Variants in NALF1 observed in about 807,000 individuals in gnomAD.
NALF1 encodes family with sequence similarity 155 member A.
NALF1 carries 3 observed loss-of-function variants against 48.4 expected under a neutral mutation model. The ratio of observed to expected loss-of-function variants is 0.06; its 90% confidence interval spans 0.03 to 0.16. The LOEUF is 0.16. Among genes scored for constraint, NALF1 ranks in the 10% least tolerant of loss-of-function variants. The pLI is 1.00. For missense variants in NALF1, 526 were observed against 571.5 expected (o/e 0.92, Z 0.81); for synonymous variants, 262 against 245.7 (o/e 1.07, Z -0.62).
At chr13:107,425,953 ATC>A (rs1278984599) in intron 1 of NALF1, among the ~76,000 whole-genome samples, 2 of 152,136 alleles carry the variant, frequency 1.3e-5, no homozygotes, top group Non-Finnish European at 2.9e-5. Flanking sequence ...GATATTGGAT[ATC>A]TCTCTGTACT....
chr13:107,777,253 G>GA (rs1456009623), intron 1 of NALF1, among the ~76,000 whole-genome samples: 2 of 152,124 alleles, frequency 1.3e-5, no homozygotes, highest in South Asian at 4.1e-4. Flanking sequence ...ATTATGTTTA[G>GA]AAAAAGTTTA....
At chr13:107,548,969 C>T (rs753566916) in intron 1 of NALF1, among the ~76,000 whole-genome samples, 1 of 151,988 alleles carries the variant, frequency 6.6e-6, no homozygotes, top group African/African-American at 2.4e-5. Flanking sequence ...TCAAGAAATA[C>T]CATAATTGCA....
At chr13:107,555,439 ATTTTTTTTTTTT>A (rs34486058) in intron 1 of NALF1, among the ~76,000 whole-genome samples, 8 of 69,964 alleles carry the variant, frequency 1.1e-4, no homozygotes, top group African/African-American at 3.3e-4. Context: ...AGCCTGGCTA[ATTTTTTTTTTTT>A]TTTTTTTTTT....
intron 1 of NALF1, among the ~76,000 whole-genome samples, chr13:107,358,080 ATG>A (rs1239160225): frequency 6.6e-6 from 1 of 152,164 alleles, no homozygotes; most frequent in Non-Finnish European, 1.5e-5. Flanking sequence ...GCATATATAT[ATG>A]TGTGTATATA....
intron 1 of NALF1, among the ~76,000 whole-genome samples, chr13:107,528,256 G>A (rs888251882): frequency 3.3e-5 from 5 of 152,010 alleles, no homozygotes; most frequent in Non-Finnish European, 7.4e-5. Flanking sequence ...GGGCCAATAT[G>A]TTCATGTAAA....
chr13:107,378,311 T>C (rs1207006612), intron 1 of NALF1, among the ~76,000 whole-genome samples: 2 of 152,186 alleles, frequency 1.3e-5, no homozygotes, highest in Non-Finnish European at 2.9e-5. Context: ...GTATTGGCTT[T>C]GTATACTTGA....
chr13:107,430,763 T>G (rs1884366169), intron 1 of NALF1, among the ~76,000 whole-genome samples: 1 of 152,188 alleles, frequency 6.6e-6, no homozygotes, highest in African/African-American at 2.4e-5. Flanking sequence ...TAAACATACG[T>G]GTACATGTGT....
At chr13:107,538,843 A>G (rs983181791) in intron 1 of NALF1, among the ~76,000 whole-genome samples, 1 of 152,194 alleles carries the variant, frequency 6.6e-6, no homozygotes, top group African/African-American at 2.4e-5. Context: ...TAAACGGTCC[A>G]GCATAGCACT....
At chr13:107,808,886 C>T (rs898173604) in intron 1 of NALF1, among the ~76,000 whole-genome samples, 1 of 152,062 alleles carries the variant, frequency 6.6e-6, no homozygotes, top group African/African-American at 2.4e-5. Context: ...TGGTCCTATA[C>T]AGAAACCACT....
intron 1 of NALF1, among the ~76,000 whole-genome samples, chr13:107,575,870 G>A (rs1878125615): frequency 6.6e-6 from 1 of 152,056 alleles, no homozygotes; most frequent in African/African-American, 2.4e-5. Context: ...GGTATAAAAT[G>A]AAGTGCAAAG....
At chr13:107,544,294 C>A (rs960348279) in intron 1 of NALF1, among the ~76,000 whole-genome samples, 2 of 151,992 alleles carry the variant, frequency 1.3e-5, no homozygotes, top group Non-Finnish European at 2.9e-5. Flanking sequence ...TTTGACTTTG[C>A]AATATCATTG....
chr13:107,743,487 A>G (rs1444569814), intron 1 of NALF1, among the ~76,000 whole-genome samples: 1 of 152,236 alleles, frequency 6.6e-6, no homozygotes, highest in Non-Finnish European at 1.5e-5. Context: ...AGCACAAAGC[A>G]AGGGCTGTGG....
At chr13:107,303,709 C>T (rs532228421) in intron 1 of NALF1, among the ~76,000 whole-genome samples, 6 of 152,032 alleles carry the variant, frequency 3.9e-5, no homozygotes, top group Non-Finnish European at 7.4e-5. Flanking sequence ...ATAAAATTCA[C>T]GAAGCATTAA....
intron 1 of NALF1, among the ~76,000 whole-genome samples, chr13:107,648,779 A>G (rs1880375503): frequency 6.6e-6 from 1 of 152,138 alleles, no homozygotes; most frequent in African/African-American, 2.4e-5. Flanking sequence ...AAATAGCTGA[A>G]CCATTTTGCA....
chr13:107,819,856 G>C (rs1879313032), intron 1 of NALF1, among the ~76,000 whole-genome samples: 1 of 151,302 alleles, frequency 6.6e-6, no homozygotes, highest in Non-Finnish European at 1.5e-5. Context: ...GTACCTTGTA[G>C]TAGCGCTTGC....
chr13:107,309,366 G>GA (rs1346534504), intron 1 of NALF1, among the ~76,000 whole-genome samples: 1 of 152,166 alleles, frequency 6.6e-6, no homozygotes, highest in Non-Finnish European at 1.5e-5. Context: ...TTGACCACTT[G>GA]AATTATGACC....
intron 1 of NALF1, among the ~76,000 whole-genome samples, chr13:107,319,547 A>AT (rs1278404723): frequency 1.3e-5 from 2 of 152,050 alleles, no homozygotes; most frequent in Non-Finnish European, 2.9e-5. Flanking sequence ...TGCTTATGCT[A>AT]TTTTCTGCCT....
At chr13:107,752,952 T>C (rs1047217456) in intron 1 of NALF1, among the ~76,000 whole-genome samples, 6 of 152,180 alleles carry the variant, frequency 3.9e-5, no homozygotes, top group African/African-American at 1.4e-4. Context: ...CATGCGAAAA[T>C]TCCAAGTAGA....
At position 107,167,054 on chromosome 13, in the gene NALF1, T is replaced by C. The variant is rs935136232; in HGVS notation, c.*3443A>G. The C allele has an allele frequency of 5.3e-5, 8 of 152,340 alleles. No individual in the cohort carries two copies. Among genetic ancestry groups the C allele is most frequent in the African/African-American group, 1.9e-4 (8 of 41,586 alleles). 9.4% of individuals were successfully genotyped at this position (152,340 alleles called of 1,614,324 possible). On this transcript the variant is annotated 3_prime_UTR_variant, in exon 3 of 3. Coordinates refer to ENST00000375915, the MANE Select transcript of NALF1 (RefSeq NM_001080396.3). ...CAATAAAGAATGACATTGAACTCTA[T>C]GTTATTTGCCATTTAGCTTAGCAGT...
Sources: allele counts gnomAD v4.1 joint callset (sites outside exome capture counted in the v4.1 genomes callset), GRCh38; gene constraint gnomAD v4.1.1; transcripts MANE v1.5; gene names NCBI Gene and HGNC (gene_info 2026-07-23, HGNC 2026-07-21).